Variants in FAM120C observed in about 807,000 individuals in gnomAD.
The protein encoded by FAM120C is family with sequence similarity 120 member C.
A neutral mutation model predicts 71.2 loss-of-function variants in FAM120C; 14 were observed. The observed-to-expected ratio is 0.20, with a 90% CI of 0.13 to 0.31. The LOEUF (loss-of-function observed/expected upper bound fraction) is 0.31, where lower values mean the gene tolerates loss of function less well. FAM120C is among the 10% of genes least tolerant of loss of function. The pLI, the probability that FAM120C is intolerant of heterozygous loss-of-function variation, is 1.00. For synonymous variants in FAM120C, 354 were observed against 353.2 expected, an observed-to-expected ratio of 1.00 and a Z score of -0.03; for missense variants, 500 against 879.0, an observed-to-expected ratio of 0.57 and a Z score of 5.45.
intron 10 of FAM120C, among the ~76,000 whole-genome samples, chrX:54,100,434 A>C (rs2066876387): frequency 8.9e-6 from 1 of 111,977 alleles, no homozygotes; most frequent in East Asian, 2.8e-4. Flanking sequence ...CGGAGCTTGC[A>C]GTGAGCCGGG....
At chrX:54,163,950 T>G (rs1297239285) in intron 1 of FAM120C, among the ~76,000 whole-genome samples, 5 of 108,016 alleles carry the variant, frequency 4.6e-5, no homozygotes, top group Non-Finnish European at 9.6e-5. Context: ...TTTTTTTTTT[T>G]GAGACAGAGT....
At chrX:54,081,915 G>A (rs1204640503) in intron 13 of FAM120C, among the ~76,000 whole-genome samples, 1 of 110,763 alleles carries the variant, frequency 9.0e-6, no homozygotes, top group Non-Finnish European at 1.9e-5. Context: ...GGGCACGGTG[G>A]CTCATGCCTG....
chrX:54,118,911 G>A (rs1358875863), intron 9 of FAM120C, among the ~76,000 whole-genome samples: 1 of 40,520 alleles, frequency 2.5e-5, no homozygotes, highest in African/African-American at 9.9e-5. Context: ...TCCCCTTCCT[G>A]TGTCCATGTG....
At chrX:54,142,201 A>T (rs1342230391) in intron 4 of FAM120C, among the ~76,000 whole-genome samples, 1 of 111,783 alleles carries the variant, frequency 8.9e-6, no homozygotes, top group African/African-American at 3.2e-5. Context: ...TGCATTTCCA[A>T]CTGAGGTAGT....
chrX:54,135,845 T>C (rs1333692530), intron 5 of FAM120C, among the ~76,000 whole-genome samples: 4 of 111,247 alleles, frequency 3.6e-5, no homozygotes, highest in Non-Finnish European at 7.5e-5. Flanking sequence ...CACTTGCTGG[T>C]AATTAGCAGA....
rs782720365 is a variant in FAM120C, at chrX:54,182,941, G to A, written c.258C>T (p.His86=). The A allele has an allele frequency of 4.3e-6, 5 of 1,161,251 alleles. No homozygotes were observed. The highest frequency in any genetic ancestry group is 1.9e-5 in the South Asian group (1 of 52,265). ...SGGAGPTRHH[H]PAHHFHHHGQ... is the part of the protein sequence containing the mutation. ...CATGATGGTGGAAGTGGTGAGCGGG[G>A]TGATGGTGCCGAGTCGGCCCCGCGC... is the stretch of plus-strand genomic sequence containing the variant. The change falls in exon 1 of 16, where the codon CAC becomes CAT. Residue 86 remains histidine, a synonymous_variant. Transcript: ENST00000375180.
At chrX:54,135,489 G>C in intron 6 of FAM120C, 39 bp downstream of exon 6, 1 of 1,137,861 alleles carries the variant, frequency 8.8e-7, no homozygotes, top group Non-Finnish European at 1.2e-6. Context: ...GAAGCAACCT[G>C]AGTCTAATGC....
At chrX:54,104,199 C>G (rs2066895172) in intron 10 of FAM120C, among the ~76,000 whole-genome samples, 1 of 111,637 alleles carries the variant, frequency 9.0e-6, no homozygotes, top group Admixed American at 9.6e-5. Context: ...CTTCAGTATC[C>G]CTCCCTCCTA....
intron 9 of FAM120C, among the ~76,000 whole-genome samples, chrX:54,122,240 G>T (rs2067002357): frequency 5.5e-5 from 1 of 18,206 alleles, no homozygotes; most frequent in African/African-American, 2.5e-4. Flanking sequence ...AGGTCTGCTT[G>T]GTACAGAGCT....
At chrX:54,088,508 T>C (rs2066806159) in intron 11 of FAM120C, among the ~76,000 whole-genome samples, 1 of 102,994 alleles carries the variant, frequency 9.7e-6, no homozygotes, top group Non-Finnish European at 2.0e-5. Flanking sequence ...GGGAGCATCA[T>C]TTGAACCTGG....
At chrX:54,163,540 G>A (rs1432909044) in intron 1 of FAM120C, among the ~76,000 whole-genome samples, 5 of 111,506 alleles carry the variant, frequency 4.5e-5, no homozygotes, top group Non-Finnish European at 9.4e-5. Context: ...AGACTAGTAC[G>A]TATTGGTTTA....
In FAM120C at chrX:54,115,088, C is replaced by T. The variant is rs190171144; in HGVS notation, c.2312+1457G>A. The stretch of plus-strand genomic sequence containing the variant: ...TAAATTTTTAAAAGGCTAGTAAAAA[C>T]GAAATACTGCTGGTAAACAAAGAAC... On this transcript the variant is annotated intron_variant, in intron 10 of 15. Coordinates refer to ENST00000375180, the MANE Select transcript of FAM120C (RefSeq NM_017848.6). Among the ~76,000 whole-genome samples the T allele has an allele frequency of 3.6e-3, 405 of 111,552 alleles. 1 individual carries two copies. Among genetic ancestry groups the T allele is most frequent in the Non-Finnish European group, 6.3e-3 (334 of 53,150 alleles).
intron 1 of FAM120C, among the ~76,000 whole-genome samples, chrX:54,181,330 G>A (rs1225077876): frequency 9.0e-6 from 1 of 110,715 alleles, no homozygotes; most frequent in African/African-American, 3.3e-5. Context: ...ATAGGTTTGC[G>A]GTTTCTTTCT....
chrX:54,163,941 T>A (rs1270512234), intron 1 of FAM120C, among the ~76,000 whole-genome samples: 6 of 107,892 alleles, frequency 5.6e-5, no homozygotes, highest in African/African-American at 1.0e-4. Flanking sequence ...TATATATATT[T>A]TTTTTTTTTG....
intron 3 of FAM120C, among the ~76,000 whole-genome samples, chrX:54,154,094 T>C (rs981982207): frequency 2.8e-5 from 3 of 107,031 alleles, no homozygotes; most frequent in South Asian, 8.5e-4. Context: ...AAAATGGAGG[T>C]AAGGGGAAGA....
intron 11 of FAM120C, among the ~76,000 whole-genome samples, chrX:54,090,324 C>T (rs2066818214): frequency 1.8e-5 from 2 of 109,416 alleles, no homozygotes; most frequent in East Asian, 5.8e-4. Flanking sequence ...CTCCGCCTCC[C>T]GGGTTCGAAC....
At chrX:54,138,345 CAA>C (rs2067104615) in intron 4 of FAM120C, among the ~76,000 whole-genome samples, 1 of 108,313 alleles carries the variant, frequency 9.2e-6, no homozygotes, top group Non-Finnish European at 1.9e-5. Flanking sequence ...GCAAAAAATA[CAA>C]AAATTAGCTG....
intron 9 of FAM120C, among the ~76,000 whole-genome samples, chrX:54,125,597 T>C (rs979649459): frequency 9.7e-5 from 11 of 113,285 alleles, no homozygotes; most frequent in Non-Finnish European, 1.7e-4. Context: ...TGAGCGGCCA[T>C]GCCTGGCCTA....
rs2066698973 is a variant in FAM120C, at chrX:54,068,910, T to A, written c.*4123A>T. 9.0e-6 allele frequency: 1 copy of A among 111,451 alleles called. No homozygotes were observed. Among genetic ancestry groups the A allele is most frequent in the Non-Finnish European group, 1.9e-5 (1 of 53,113 alleles). 9.2% of individuals were successfully genotyped at this position (111,451 alleles called of 1,213,427 possible). The stretch of plus-strand genomic sequence containing the variant: ...ATGAAGTCATCAGATTTGGCTGGGT[T>A]ATGAGAGATTAATAAAATCTGAAAT... On this transcript the variant is annotated 3_prime_UTR_variant, in exon 16 of 16. Coordinates refer to ENST00000375180, the MANE Select transcript of FAM120C (RefSeq NM_017848.6).
Sources: allele counts gnomAD v4.1 joint callset (sites outside exome capture counted in the v4.1 genomes callset), GRCh38; gene constraint gnomAD v4.1.1; transcripts MANE v1.5; gene names NCBI Gene and HGNC (gene_info 2026-07-23, HGNC 2026-07-21).